APP: variants seen among roughly 807,000 people sequenced by gnomAD.
APP encodes amyloid beta precursor protein.
APP carries 31 observed loss-of-function variants against 101.4 expected under a neutral mutation model. The observed-to-expected ratio is 0.31, with a 90% confidence interval of 0.23 to 0.41. The LOEUF (loss-of-function observed/expected upper bound fraction) is 0.41, where lower values mean the gene tolerates loss of function less well. Ranked by LOEUF, APP falls within the 10% of genes least tolerant of loss-of-function variation. The pLI is 1.00. For synonymous variants in APP, 366 were observed against 364.4 expected, an observed-to-expected ratio of 1.00 and a Z score of -0.05; for missense variants, 839 against 1,003.7, an observed-to-expected ratio of 0.84 and a Z score of 2.22.
intron 1 of APP, among the ~76,000 whole-genome samples, chr21:26,135,729 CATCCCAG>C (rs1217024365): frequency 6.6e-6 from 1 of 152,190 alleles, no homozygotes; most frequent in Non-Finnish European, 1.5e-5. Flanking sequence ...TCTCTCTCAT[CATCCCAG>C]ATCTTTATCT....
chr21:26,088,504 A>G (rs1461572786), intron 3 of APP, among the ~76,000 whole-genome samples: 2 of 152,222 alleles, frequency 1.3e-5, no homozygotes, highest in African/African-American at 4.8e-5. Flanking sequence ...GAACCAAAAG[A>G]AACAAATCAT....
chr21:26,073,452 C>A (rs2061444902), intron 3 of APP, among the ~76,000 whole-genome samples: 1 of 151,594 alleles, frequency 6.6e-6, no homozygotes, highest in Admixed American at 6.6e-5. Flanking sequence ...AGAGCTCATT[C>A]CCTGGAGCTC....
chr21:26,158,115 T>A (rs2063412004), intron 1 of APP: 2 of 152,224 alleles, frequency 1.3e-5, no homozygotes. Context: ...TTCCCAGGAA[T>A]GCAAGTCTGA....
chr21:26,000,868 AT>A lies in APP; in HGVS notation c.866-687del, dbSNP rs1407266793. ...ATATTAAAATATGTATTTATATATT[AT>A]ACATTAATAATTTAATTACATATGC... is the stretch of plus-strand genomic sequence containing the variant. On this transcript the variant is annotated intron_variant, in intron 6 of 17. Coordinates refer to ENST00000346798, the MANE Select transcript of APP (RefSeq NM_000484.4). Among the ~76,000 whole-genome samples the A allele has an allele frequency of 5.3e-5, 8 of 151,512 alleles. No homozygotes were observed. The East Asian group carries it at 1.5e-3, about 29-fold the overall frequency.
intron 2 of APP, among the ~76,000 whole-genome samples, chr21:26,105,996 G>C (rs1348930331): frequency 6.6e-6 from 1 of 152,216 alleles, no homozygotes; most frequent in Non-Finnish European, 1.5e-5. Context: ...CTGATACTGA[G>C]TCCCTGCAGA....
chr21:26,099,477 G>C (rs1043928021), intron 2 of APP, among the ~76,000 whole-genome samples: 2 of 152,120 alleles, frequency 1.3e-5, no homozygotes, highest in African/African-American at 4.8e-5. Context: ...GATGAAACTA[G>C]AACAACTAAA....
chr21:26,163,183 G>A (rs2063530440), intron 1 of APP, among the ~76,000 whole-genome samples: 1 of 132,990 alleles, frequency 7.5e-6, no homozygotes, highest in Non-Finnish European at 1.6e-5. Flanking sequence ...AGAGGTTGCA[G>A]TAAGCCAAGA....
At chr21:26,052,159 G>A (rs1474308875) in intron 4 of APP, among the ~76,000 whole-genome samples, 1 of 152,136 alleles carries the variant, frequency 6.6e-6, no homozygotes, top group Non-Finnish European at 1.5e-5. Context: ...CAGCTATAAA[G>A]CTATGATACA....
At position 26,053,313 on chromosome 21, in the gene APP, C is replaced by G; in HGVS notation, c.391G>C (p.Asp131His). ...EFVSDALLVPDKCKFLHQERM... is the reference protein window; with the variant it reads ...EFVSDALLVPHKCKFLHQERM... ...TCCTGGTGTAAGAATTTGCACTTGT[C>G]AGGAACGAGAAGGGCATCACTTACA... Residue 131 changes from aspartate (D) to histidine (H), a missense_variant, in exon 4 of 18, where the codon GAC becomes CAC. By Grantham distance (81) the Asp-to-His change is moderately conservative (BLOSUM62 -1). Coordinates refer to ENST00000346798, the MANE Select transcript of APP (RefSeq NM_000484.4). 6.2e-7 allele frequency: 1 copy of G among 1,613,804 alleles called. No homozygotes were observed. Among genetic ancestry groups the G allele is most frequent in the Non-Finnish European group, 8.5e-7 (1 of 1,179,766 alleles).
intron 3 of APP, among the ~76,000 whole-genome samples, chr21:26,083,001 G>C (rs1272775049): frequency 6.6e-6 from 1 of 152,136 alleles, no homozygotes; most frequent in South Asian, 2.1e-4. Context: ...ATGGCCTTAA[G>C]TAGAAATTAC....
chr21:26,059,095 T>C (rs1601351916), intron 3 of APP, among the ~76,000 whole-genome samples: 2 of 148,630 alleles, frequency 1.3e-5, no homozygotes, highest in East Asian at 3.9e-4. Flanking sequence ...AAAAAAATAA[T>C]AATAAAGACA....
At chr21:25,942,649 G>GA (rs1387769966) in intron 13 of APP, 2 of 152,166 alleles carry the variant, frequency 1.3e-5, no homozygotes, top group Non-Finnish European at 2.9e-5. Context: ...CAATGACAAA[G>GA]AATGTGGAAC....
At chr21:26,071,229 G>A (rs1303969051) in intron 3 of APP, among the ~76,000 whole-genome samples, 1 of 152,090 alleles carries the variant, frequency 6.6e-6, no homozygotes, top group Non-Finnish European at 1.5e-5. Flanking sequence ...CACACAGCGA[G>A]CCCCGCCTTC....
At chr21:26,109,997 A>G (rs2062275425) in intron 2 of APP, among the ~76,000 whole-genome samples, 3 of 152,150 alleles carry the variant, frequency 2.0e-5, no homozygotes, top group Admixed American at 1.3e-4. Context: ...TATAAAATTT[A>G]TAACTTATCT....
At chr21:26,036,966 T>C (rs993381963) in intron 5 of APP, among the ~76,000 whole-genome samples, 1 of 149,912 alleles carries the variant, frequency 6.7e-6, no homozygotes, top group African/African-American at 2.5e-5. Flanking sequence ...ATGAAGAAAA[T>C]GTGATGTGTG....
intron 6 of APP, among the ~76,000 whole-genome samples, chr21:26,013,172 C>T (rs545732108): frequency 6.6e-6 from 1 of 152,156 alleles, no homozygotes; most frequent in South Asian, 2.1e-4. Context: ...CAACAGTTAG[C>T]CAGGCGCGGT....
chr21:25,946,719 C>G (rs2040839257), intron 13 of APP, among the ~76,000 whole-genome samples: 1 of 151,846 alleles, frequency 6.6e-6, no homozygotes, highest in Non-Finnish European at 1.5e-5. Context: ...GTAAGGTAAA[C>G]AACCCAATTA....
intron 1 of APP, among the ~76,000 whole-genome samples, chr21:26,126,833 T>C (rs2062694488): frequency 2.0e-5 from 3 of 152,162 alleles, no homozygotes; most frequent in Admixed American, 1.3e-4. Flanking sequence ...TTTCTATTTG[T>C]TCACAGAACA....
At chr21:26,094,261 TA>T (rs2061893019) in intron 2 of APP, among the ~76,000 whole-genome samples, 1 of 152,132 alleles carries the variant, frequency 6.6e-6, no homozygotes, top group Non-Finnish European at 1.5e-5. Context: ...TTTCCAAACA[TA>T]ATGCAATTTT....
Sources: gnomAD v4.1 joint callset for allele counts (sites outside exome capture counted in the v4.1 genomes callset) on GRCh38, gnomAD v4.1.1 for gene constraint, MANE v1.5 for transcripts, NCBI Gene and HGNC (gene_info 2026-07-23, HGNC 2026-07-21) for gene names.